The following NBEA variants were observed in gnomAD, a reference collection of about 807,000 sequenced individuals.
NBEA encodes lysosomal-trafficking regulator 2.
NBEA carries 44 observed loss-of-function variants against 343.4 expected under a neutral mutation model. That is an observed-to-expected ratio of 0.13 (90% CI 0.10 to 0.16). NBEA has a LOEUF of 0.16. Among genes scored for constraint, NBEA ranks in the 10% least tolerant of loss-of-function variants. The probability of loss-of-function intolerance (pLI) is 1.00; values close to 1 mark genes in which losing one functional copy is unlikely to be tolerated. For synonymous variants in NBEA, 1,175 were observed against 1,238.7 expected, an observed-to-expected ratio of 0.95 and a Z score of 1.08; for missense variants, 2,555 against 3,631.3, an observed-to-expected ratio of 0.70 and a Z score of 7.62.
chr13:35,602,358 C>T (rs2082092118), intron 47 of NBEA, among the ~76,000 whole-genome samples: 1 of 152,110 alleles, frequency 6.6e-6, no homozygotes. Flanking sequence ...AAAAATCTCA[C>T]CTCTGCTGCT....
chr13:35,046,997 C>T (rs1049846069), intron 4 of NBEA, among the ~76,000 whole-genome samples: 24 of 151,862 alleles, frequency 1.6e-4, no homozygotes, highest in African/African-American at 3.9e-4. Context: ...TTCTTATTAT[C>T]GTAAGAGTTC....
chr13:35,156,193 C>A lies in NBEA; in HGVS notation c.2638C>A (p.Arg880Ser). Reference protein sequence around the residue: ...SDMIKLFSNSRENRRCLLQCS... With the variant: ...SDMIKLFSNSSENRRCLLQCS... ...TATGATAAAACTTTTCAGTAACAGCCGTGAAAATAGAAGGTAAGCAGTTTG... is the reference window on the plus strand; with the variant it reads ...TATGATAAAACTTTTCAGTAACAGCAGTGAAAATAGAAGGTAAGCAGTTTG... The change falls in exon 20 of 59, where the codon CGT becomes AGT. Residue 880 changes from arginine (R) to serine (S), a missense_variant. Around this residue, in one of 21 missense-constraint regions of NBEA, gnomAD observed 360 missense variants for 519.1 expected, o/e 0.69. Coordinates refer to ENST00000379939, the MANE Select transcript of NBEA (RefSeq NM_001385012.1). 6.3e-7 allele frequency: 1 copy of A among 1,582,974 alleles called. No individual in the cohort carries two copies. Among genetic ancestry groups the A allele is most frequent in the African/African-American group, 1.4e-5 (1 of 74,066 alleles).
At chr13:35,532,229 A>C (rs2078298365) in intron 41 of NBEA, among the ~76,000 whole-genome samples, 1 of 152,178 alleles carries the variant, frequency 6.6e-6, no homozygotes, top group Non-Finnish European at 1.5e-5. Flanking sequence ...GTCATTTATT[A>C]GTGGCTACGA....
chr13:35,330,401 G>A (rs543786889), intron 36 of NBEA, among the ~76,000 whole-genome samples: 1 of 152,052 alleles, frequency 6.6e-6, no homozygotes, highest in East Asian at 1.9e-4. Context: ...GGAAAATTGA[G>A]GACCTTTCAC....
intron 38 of NBEA, among the ~76,000 whole-genome samples, chr13:35,407,526 A>G (rs2043336664): frequency 6.6e-6 from 1 of 152,108 alleles, no homozygotes; most frequent in Non-Finnish European, 1.5e-5. Flanking sequence ...TCAAAAAAAA[A>G]AAAAAAGGCT....
At chr13:35,546,837 G>A (rs951617875) in intron 41 of NBEA, among the ~76,000 whole-genome samples, 3 of 152,244 alleles carry the variant, frequency 2.0e-5, no homozygotes, top group Non-Finnish European at 4.4e-5. Context: ...ACAGGCGTGA[G>A]CCACCGCTCC....
At chr13:35,505,749 T>C (rs1015815080) in intron 41 of NBEA, among the ~76,000 whole-genome samples, 1 of 152,184 alleles carries the variant, frequency 6.6e-6, no homozygotes, top group Non-Finnish European at 1.5e-5. Context: ...AGTTTTAATA[T>C]CTGGAAATCT....
In NBEA at chr13:35,191,135, C is replaced by CTTTCT. The variant is rs1406659706; in HGVS notation, c.4928-4728_4928-4727insTTCTT. On this transcript the variant is annotated intron_variant, in intron 30 of 58. Coordinates refer to ENST00000379939, the MANE Select transcript of NBEA (RefSeq NM_001385012.1). ...AAGAATGAAGAAAAGTGAACAGAGC[C>CTTTCT]TCACAGACCTTTGTGACACTATTAA... 5.9e-5 allele frequency among the ~76,000 whole-genome samples: 9 copies of CTTTCT among 152,138 alleles called. No individual in the cohort carries two copies. The East Asian group carries it at 1.4e-3, about 23-fold the overall frequency.
chr13:34,943,994 G>A (rs1356302062), intron 1 of NBEA, among the ~76,000 whole-genome samples: 1 of 152,226 alleles, frequency 6.6e-6, no homozygotes, highest in African/African-American at 2.4e-5. Flanking sequence ...GAAATGGAAA[G>A]AAGGAGAGGA....
At position 35,182,453 on chromosome 13, in the gene NBEA, C is replaced by A; in HGVS notation, c.4756C>A (p.Gln1586Lys). 8 of 1,610,496 alleles carry A rather than the reference C, an allele frequency of 5.0e-6. No individual in the cohort carries two copies. The highest frequency in any genetic ancestry group is 6.8e-6 in the Non-Finnish European group (8 of 1,177,774). Residue 1586 changes from glutamine to lysine, a missense_variant, in exon 29 of 59, where the codon CAG (glutamine) becomes AAG (lysine). By Grantham distance (53) the Gln-to-Lys change is moderately conservative. This residue lies in a region of NBEA where 270 missense variants were observed against 293.3 expected (regional missense o/e 0.92). Coordinates refer to ENST00000379939, the MANE Select transcript of NBEA (RefSeq NM_001385012.1). ...CAAGTATCGTGACATATTAGAACCC[C>A]AGAGAGAGACTACAAGAACTGGAAG... is the stretch of plus-strand genomic sequence containing the variant. ...VSKYRDILEP[Q>K]RETTRTGSQP...
chr13:35,534,664 C>T (rs1359256978), intron 41 of NBEA, among the ~76,000 whole-genome samples: 1 of 152,184 alleles, frequency 6.6e-6, no homozygotes, highest in African/African-American at 2.4e-5. Flanking sequence ...TCATTTAATT[C>T]TTTCAACAAC....
chr13:35,094,485 G>A (rs2065235460), intron 10 of NBEA, among the ~76,000 whole-genome samples: 1 of 152,066 alleles, frequency 6.6e-6, no homozygotes, highest in African/African-American at 2.4e-5. Flanking sequence ...AAAAGTGACT[G>A]CTAAATATAC....
intron 1 of NBEA, among the ~76,000 whole-genome samples, chr13:34,999,830 G>A (rs74871123): frequency 6.6e-6 from 1 of 151,996 alleles, no homozygotes. Flanking sequence ...TATCCAGTAA[G>A]TACAGTGTCT....
intron 17 of NBEA, among the ~76,000 whole-genome samples, chr13:35,135,411 G>A (rs2067661194): frequency 1.3e-5 from 2 of 151,706 alleles, no homozygotes; most frequent in Admixed American, 1.3e-4. Flanking sequence ...AAAGGAAATT[G>A]GAAATGTAAA....
chr13:35,580,044 G>C (rs907154941), intron 45 of NBEA, among the ~76,000 whole-genome samples: 2 of 152,132 alleles, frequency 1.3e-5, no homozygotes, highest in Admixed American at 1.3e-4. Context: ...TGGAAACAGT[G>C]CCTTTTTGCA....
At chr13:34,998,560 C>T (rs1167754551) in intron 1 of NBEA, among the ~76,000 whole-genome samples, 1 of 152,140 alleles carries the variant, frequency 6.6e-6, no homozygotes, top group Admixed American at 6.6e-5. Flanking sequence ...GGGACGCATT[C>T]TCTTTCTCAG....
chr13:35,189,683 A>G (rs2072025057), intron 30 of NBEA, among the ~76,000 whole-genome samples: 1 of 152,024 alleles, frequency 6.6e-6, no homozygotes, highest in Admixed American at 6.6e-5. Context: ...TCTAAACATT[A>G]CTTGTAAGTG....
intron 34 of NBEA, among the ~76,000 whole-genome samples, chr13:35,276,256 T>A (rs57843776): frequency 0.042 from 6,429 of 152,186 alleles, 154 homozygotes; most frequent in South Asian, 0.078. Context: ...TCTAATACAA[T>A]TGGTGTATTT....
intron 41 of NBEA, among the ~76,000 whole-genome samples, chr13:35,515,467 G>A (rs946505956): frequency 1.3e-5 from 2 of 152,124 alleles, no homozygotes; most frequent in African/African-American, 4.8e-5. Context: ...TCAGCAGAAG[G>A]TTTTATTCTT....
Sources: allele counts gnomAD v4.1 joint callset (sites outside exome capture counted in the v4.1 genomes callset), GRCh38; gene constraint gnomAD v4.1.1; regional missense constraint gnomAD v4.1.1; transcripts MANE v1.5; gene names NCBI Gene and HGNC (gene_info 2026-07-23, HGNC 2026-07-21).